DNER: variants seen among roughly 807,000 people sequenced by gnomAD.
The protein encoded by DNER is delta and Notch-like epidermal growth factor-related receptor.
Under a neutral mutation model 78.2 loss-of-function variants are expected in DNER, and 33 were observed. The ratio of observed to expected loss-of-function variants is 0.42; its 90% CI spans 0.32 to 0.56. The LOEUF is 0.56. Ranked by LOEUF, DNER falls within the 20% of genes least tolerant of loss-of-function variation. The pLI, the probability that DNER is intolerant of heterozygous loss-of-function variation, is 0.11. For missense variants in DNER, 918 were observed against 975.3 expected (o/e 0.94, Z 0.78); for synonymous variants, 417 against 384.8 (o/e 1.08, Z -0.98).
intron 5 of DNER, among the ~76,000 whole-genome samples, chr2:229,517,821 G>T (rs1002931324): frequency 6.6e-5 from 10 of 152,150 alleles, no homozygotes; most frequent in Admixed American, 3.3e-4. Flanking sequence ...AACACGGCAG[G>T]TCCCACAGCA....
At chr2:229,545,528 C>T (rs1253913474) in intron 5 of DNER, among the ~76,000 whole-genome samples, 4 of 152,212 alleles carry the variant, frequency 2.6e-5, no homozygotes, top group African/African-American at 9.7e-5. Flanking sequence ...GAGCCGAGAT[C>T]GCGCCACTGC....
Position 229,449,726 on chromosome 2 carries a change from G to C in DNER, c.1262-2186C>G, listed in dbSNP as rs138719580. Among the ~76,000 whole-genome samples the C allele has an allele frequency of 2.0e-3, 299 of 152,236 alleles. 2 individuals are homozygous for C. Among genetic ancestry groups the C allele is most frequent in the African/African-American group, 6.8e-3 (283 of 41,542 alleles). ...AGTTTGCCCAAATCAGCAGCTCAAG[G>C]TGAATCAGAAAATCATAAATGTTAA... On this transcript the variant is annotated intron_variant, in intron 7 of 12. Transcript: ENST00000341772.
chr2:229,481,743 C>T (rs1695162891), intron 6 of DNER, among the ~76,000 whole-genome samples: 1 of 152,144 alleles, frequency 6.6e-6, no homozygotes, highest in African/African-American at 2.4e-5. Flanking sequence ...CCAACTATGA[C>T]TAATATTTCC....
At chr2:229,442,029 C>T (rs759223094) in intron 8 of DNER, among the ~76,000 whole-genome samples, 17 of 152,262 alleles carry the variant, frequency 1.1e-4, no homozygotes, top group East Asian at 3.9e-4. Flanking sequence ...GCTACAGATG[C>T]AGCTGGGTGA....
intron 1 of DNER, among the ~76,000 whole-genome samples, chr2:229,684,169 A>AGTGTGTGTGTGTGTGT (rs59016911): frequency 1.1e-5 from 1 of 94,602 alleles, no homozygotes; most frequent in Non-Finnish European, 2.0e-5. Context: ...AGAGAGAGAG[A>AGTGTGTGTGTGTGTGT]GTGTGTGTGT....
intron 12 of DNER, among the ~76,000 whole-genome samples, chr2:229,359,466 T>C (rs1316321904): frequency 4.6e-5 from 7 of 152,158 alleles, no homozygotes; most frequent in Admixed American, 2.6e-4. Flanking sequence ...TCACCTTCCC[T>C]ACAAGCCCTG....
intron 6 of DNER, among the ~76,000 whole-genome samples, chr2:229,484,380 G>T (rs986744953): frequency 2.0e-5 from 3 of 152,178 alleles, no homozygotes; most frequent in African/African-American, 7.2e-5. Context: ...CAACTGTCCT[G>T]CTAAAGGGCC....
intron 4 of DNER, among the ~76,000 whole-genome samples, chr2:229,558,939 C>A (rs762653958): frequency 2.4e-4 from 36 of 152,226 alleles, no homozygotes; most frequent in Non-Finnish European, 5.1e-4. Flanking sequence ...TTGCCAAGCA[C>A]CATGGGAATC....
rs758500393 is a variant in DNER, at chr2:229,385,318, C to T, written c.1855+2947G>A. Among the ~76,000 whole-genome samples, 34 of 152,040 alleles carry T rather than the reference C, an allele frequency of 2.2e-4. 1 individual carries two copies. The highest frequency in any genetic ancestry group is 3.5e-4 in the Non-Finnish European group (24 of 68,004). On this transcript the variant is annotated intron_variant, in intron 11 of 12. Coordinates refer to ENST00000341772, the MANE Select transcript of DNER (RefSeq NM_139072.4). ...CTCAATAAACTAGGTATTGACAGAA[C>T]GTATCTCAAAATAAGAGCTATTTAT... is the stretch of plus-strand genomic sequence containing the variant.
At chr2:229,469,361 C>T (rs910416750) in intron 7 of DNER, among the ~76,000 whole-genome samples, 2 of 152,124 alleles carry the variant, frequency 1.3e-5, no homozygotes, top group Non-Finnish European at 2.9e-5. Flanking sequence ...CATAATAATA[C>T]CTGTCTTGTA....
chr2:229,387,468 A>C (rs1692894263), intron 11 of DNER, among the ~76,000 whole-genome samples: 3 of 150,418 alleles, frequency 2.0e-5, no homozygotes, highest in African/African-American at 7.4e-5. Context: ...CAGAACTTAA[A>C]GTATAATAGA....
At chr2:229,602,260 G>GA (rs1306179737) in intron 1 of DNER, among the ~76,000 whole-genome samples, 1 of 152,024 alleles carries the variant, frequency 6.6e-6, no homozygotes, top group South Asian at 2.1e-4. Context: ...AACCAATGCA[G>GA]AAAAAACTCT....
At chr2:229,544,324 G>A (rs1433268880) in intron 5 of DNER, among the ~76,000 whole-genome samples, 1 of 152,120 alleles carries the variant, frequency 6.6e-6, no homozygotes, top group Non-Finnish European at 1.5e-5. Context: ...GCACCTCCTG[G>A]CCTCACTCTA....
intron 1 of DNER, among the ~76,000 whole-genome samples, chr2:229,626,105 G>T (rs1698338765): frequency 6.6e-6 from 1 of 152,096 alleles, no homozygotes. Flanking sequence ...ATTTTTAGTA[G>T]AGACGGGGTT....
chr2:229,691,096 T>G (rs1004850237), intron 1 of DNER, among the ~76,000 whole-genome samples: 9 of 152,162 alleles, frequency 5.9e-5, no homozygotes, highest in Admixed American at 3.3e-4. Flanking sequence ...AAAAGCTGGA[T>G]AAGTGTTGTT....
At chr2:229,462,631 A>G (rs1329568729) in intron 7 of DNER, among the ~76,000 whole-genome samples, 1 of 152,120 alleles carries the variant, frequency 6.6e-6, no homozygotes, top group Non-Finnish European at 1.5e-5. Context: ...CTCTTATGAG[A>G]TTCCCTGTCC....
intron 7 of DNER, among the ~76,000 whole-genome samples, chr2:229,458,911 T>G (rs2154210769): frequency 6.6e-6 from 1 of 152,166 alleles, no homozygotes; most frequent in African/African-American, 2.4e-5. Flanking sequence ...ATAGGTAAAT[T>G]TAGCAAACTG....
At chr2:229,375,919 C>T (rs1295367925) in intron 11 of DNER, among the ~76,000 whole-genome samples, 1 of 152,136 alleles carries the variant, frequency 6.6e-6, no homozygotes, top group African/African-American at 2.4e-5. Context: ...GTAACTGAAT[C>T]ATGGGGGCGG....
chr2:229,414,032 C>A (rs1044420354), intron 9 of DNER, among the ~76,000 whole-genome samples: 1 of 151,958 alleles, frequency 6.6e-6, no homozygotes, highest in Non-Finnish European at 1.5e-5. Context: ...CATCCCCCCA[C>A]GGAGAGAAAA....
Sources: gnomAD v4.1 joint callset for allele counts (sites outside exome capture counted in the v4.1 genomes callset) on GRCh38, gnomAD v4.1.1 for gene constraint, MANE v1.5 for transcripts, NCBI Gene and HGNC (gene_info 2026-07-23, HGNC 2026-07-21) for gene names.